The following REDIC1 variants were observed in gnomAD, a reference collection of about 807,000 sequenced individuals.
REDIC1 encodes the protein regulator of DNA class I crossover intermediates 1.
chr12:39,714,405 A>ATG, the REDIC1 span, among the ~76,000 whole-genome samples: 11 of 150,412 alleles, frequency 7.3e-5, 1 homozygote, highest in Non-Finnish European at 5.9e-5. Context: ...ATGTATATAT[A>ATG]TGTGTGTTTA....
the REDIC1 span, among the ~76,000 whole-genome samples, chr12:39,902,334 G>A: frequency 6.6e-6 from 1 of 151,110 alleles, no homozygotes; most frequent in Admixed American, 6.6e-5. Context: ...AAAAATTAAA[G>A]TATAATAATA....
At chr12:39,694,799 C>T in the REDIC1 span, among the ~76,000 whole-genome samples, 7 of 152,222 alleles carry the variant, frequency 4.6e-5, no homozygotes, top group East Asian at 1.9e-4. Flanking sequence ...TCACCCCTCC[C>T]GTAACCCAGA....
At chr12:39,662,315 A>G in the REDIC1 span, among the ~76,000 whole-genome samples, 4 of 150,474 alleles carry the variant, frequency 2.7e-5, no homozygotes, top group Non-Finnish European at 4.4e-5. Flanking sequence ...TATTTTATCA[A>G]ATATTTGTAG....
chr12:39,843,748 GAT>G, the REDIC1 span, among the ~76,000 whole-genome samples: 1 of 152,000 alleles, frequency 6.6e-6, no homozygotes, highest in Non-Finnish European at 1.5e-5. Flanking sequence ...TATTACTTTG[GAT>G]ATCTGAGATA....
chr12:39,754,558 T>A, the REDIC1 span, among the ~76,000 whole-genome samples: 2 of 152,048 alleles, frequency 1.3e-5, no homozygotes, highest in East Asian at 1.9e-4. Context: ...ACTGCCAATA[T>A]CAAACAAGTG....
the REDIC1 span, among the ~76,000 whole-genome samples, chr12:39,808,418 G>C: frequency 0.81 from 123,584 of 152,092 alleles, 50,391 homozygotes; most frequent in Non-Finnish European, 0.85. Flanking sequence ...CGACTGTGTA[G>C]AAACATTTGT....
the REDIC1 span, among the ~76,000 whole-genome samples, chr12:39,673,503 T>G: frequency 2.0e-5 from 3 of 152,258 alleles, no homozygotes; most frequent in Admixed American, 6.5e-5. Context: ...AGCAAGGCTC[T>G]GCATAATCTG....
the REDIC1 span, among the ~76,000 whole-genome samples, chr12:39,866,692 G>T: frequency 1.3e-5 from 2 of 152,274 alleles, no homozygotes; most frequent in South Asian, 4.1e-4. Flanking sequence ...TGTTAGCCAG[G>T]ATGGTCTCGA....
the REDIC1 span, chr12:39,683,532 A>T: frequency 7.2e-7 from 1 of 1,382,248 alleles, no homozygotes; most frequent in South Asian, 1.2e-5. Context: ...ATCTAGTATG[A>T]TGCATGATGA....
the REDIC1 span, among the ~76,000 whole-genome samples, chr12:39,675,030 G>A: frequency 6.6e-6 from 1 of 152,122 alleles, no homozygotes; most frequent in Non-Finnish European, 1.5e-5. Context: ...TCATAGCCTG[G>A]GGCAAGATCT....
chr12:39,647,729 A>G, the REDIC1 span: 8 of 1,178,276 alleles, frequency 6.8e-6, no homozygotes, highest in South Asian at 8.6e-5. Context: ...CACTATTTTG[A>G]CTTTCCTCTT....
At chr12:39,750,077 G>T in the REDIC1 span, among the ~76,000 whole-genome samples, 1 of 152,316 alleles carries the variant, frequency 6.6e-6, no homozygotes, top group Admixed American at 6.5e-5. Context: ...GGGCAATCAG[G>T]CAGGAGAAAG....
At chr12:39,711,022 T>C in the REDIC1 span, among the ~76,000 whole-genome samples, 2 of 151,404 alleles carry the variant, frequency 1.3e-5, no homozygotes, top group African/African-American at 2.4e-5. Flanking sequence ...ACCATATTTG[T>C]AGTCTTTTAT....
chr12:39,630,540 G>A, the REDIC1 span, among the ~76,000 whole-genome samples: 1 of 152,146 alleles, frequency 6.6e-6, no homozygotes, highest in African/African-American at 2.4e-5. Context: ...CTGAAATTTA[G>A]TCTTTTTCTA....
At chr12:39,846,949 G>A in the REDIC1 span, among the ~76,000 whole-genome samples, 3 of 152,144 alleles carry the variant, frequency 2.0e-5, no homozygotes, top group African/African-American at 7.2e-5. Context: ...CATTTGTTCA[G>A]ATCACTCATT....
At chr12:39,684,198 A>C in the REDIC1 span, 170 of 1,032,694 alleles carry the variant, frequency 1.6e-4, no homozygotes, top group Non-Finnish European at 1.8e-4. Flanking sequence ...TTATTCCTTA[A>C]AAGTTTGAGA....
the REDIC1 span, among the ~76,000 whole-genome samples, chr12:39,799,781 C>T: frequency 7.0e-4 from 106 of 152,330 alleles, no homozygotes; most frequent in African/African-American, 2.4e-3. Context: ...CAGGATAACA[C>T]ATTCACATTA....
chr12:39,842,593 C>G, the REDIC1 span, among the ~76,000 whole-genome samples: 1 of 151,932 alleles, frequency 6.6e-6, no homozygotes, highest in Non-Finnish European at 1.5e-5. Context: ...GGTGATCACT[C>G]ACTATAGCAC....
the REDIC1 span, among the ~76,000 whole-genome samples, chr12:39,743,650 G>A: frequency 2.0e-5 from 3 of 152,134 alleles, no homozygotes; most frequent in Non-Finnish European, 4.4e-5. Context: ...AAAATGTAAA[G>A]AATCAGAAGG....
Sources: gnomAD v4.1 joint callset for allele counts (sites outside exome capture counted in the v4.1 genomes callset) on GRCh38, gnomAD v4.1.1 for gene constraint, MANE v1.5 for transcripts, NCBI Gene and HGNC (gene_info 2026-07-23, HGNC 2026-07-21) for gene names.